Variants in AGBL1 observed in about 807,000 individuals in gnomAD.
AGBL1 encodes AGBL carboxypeptidase 1, also known as cytosolic carboxypeptidase 4.
Under a neutral mutation model 118.9 loss-of-function variants are expected in AGBL1, and 130 were observed. The ratio of observed to expected loss-of-function variants is 1.09; its 90% confidence interval spans 0.95 to 1.26. The LOEUF (loss-of-function observed/expected upper bound fraction) is 1.26. Ranked by LOEUF, AGBL1 falls within the 50% of genes most tolerant of loss-of-function variation. The probability of loss-of-function intolerance (pLI) is 0.00; values close to 1 mark genes in which losing one functional copy is unlikely to be tolerated. For synonymous variants in AGBL1, 555 were observed against 478.9 expected, an observed-to-expected ratio of 1.16 and a Z score of -2.08; for missense variants, 1,584 against 1,298.1, an observed-to-expected ratio of 1.22 and a Z score of -3.38.
At chr15:86,246,432 G>A (rs1408689273) in intron 6 of AGBL1, among the ~76,000 whole-genome samples, 1 of 152,188 alleles carries the variant, frequency 6.6e-6, no homozygotes, top group Non-Finnish European at 1.5e-5. Context: ...CTTTTTTAAG[G>A]TTCATGGCGT....
chr15:86,437,699 C>T (rs16977157), intron 18 of AGBL1, among the ~76,000 whole-genome samples: 393 of 152,224 alleles, frequency 2.6e-3, no homozygotes, highest in African/African-American at 8.9e-3. Flanking sequence ...GGAGGTTAGG[C>T]TTTAAAAAGT....
chr15:86,977,798 C>T (rs960101536), intron 23 of AGBL1, among the ~76,000 whole-genome samples: 4 of 151,864 alleles, frequency 2.6e-5, no homozygotes, highest in Non-Finnish European at 1.5e-5. Context: ...CTTCTTATTG[C>T]TTACTTAAAA....
downstream of AGBL1, among the ~76,000 whole-genome samples, chr15:86,917,270 T>C (rs890441768): frequency 2.0e-5 from 3 of 151,998 alleles, no homozygotes; most frequent in Non-Finnish European, 2.9e-5. The surrounding 1 kb of genome is among the most constrained non-coding windows in gnomAD (Gnocchi z 4.8). Context: ...TCAGAGAGAG[T>C]TCTTTCACAG....
chr15:86,968,954 C>A (rs540576663), intron 23 of AGBL1, among the ~76,000 whole-genome samples: 3 of 151,964 alleles, frequency 2.0e-5, no homozygotes, highest in East Asian at 1.9e-4. Flanking sequence ...TCCCTTATAA[C>A]CTTGTCGCCA....
intron 22 of AGBL1, among the ~76,000 whole-genome samples, chr15:86,706,327 G>A (rs2086449274): frequency 6.6e-6 from 1 of 152,014 alleles, no homozygotes; most frequent in African/African-American, 2.4e-5. Context: ...ATAAGTTCAA[G>A]TGGTAAAAAA....
chr15:86,902,241 C>G (rs2080221253), intron 22 of AGBL1, among the ~76,000 whole-genome samples: 1 of 152,302 alleles, frequency 6.6e-6, no homozygotes, highest in African/African-American at 2.4e-5. Context: ...TATTAAAGAT[C>G]TGGCTCATCT....
At chr15:86,939,127 G>T (rs2080714269) in intron 23 of AGBL1, 1 of 152,618 alleles carries the variant, frequency 6.6e-6, no homozygotes, top group Admixed American at 6.5e-5. Flanking sequence ...AACTTGATTG[G>T]ATTGAAGGTG....
At chr15:86,253,063 G>A (rs998678902) in intron 7 of AGBL1, among the ~76,000 whole-genome samples, 1 of 152,076 alleles carries the variant, frequency 6.6e-6, no homozygotes, top group East Asian at 1.9e-4. Context: ...GAAAAAGAAA[G>A]TACATGCAAA....
Position 86,112,233 on chromosome 15 carries a change from A to G in AGBL1, c.52-29771A>G, listed in dbSNP as rs1018371059. On this transcript the variant is annotated intron_variant, in intron 1 of 22. Coordinates refer to ENST00000614907, the MANE Select transcript of AGBL1 (RefSeq NM_001386094.1). The stretch of plus-strand genomic sequence containing the variant: ...TGTCATGAAAAAATTGTCTTCCACA[A>G]AACTAGTCCCTGGTGTCAAAAAGGC... 8.5e-5 allele frequency among the ~76,000 whole-genome samples: 13 copies of G among 152,282 alleles called. No individual in the cohort carries two copies. The East Asian group carries it at 2.3e-3, about 27-fold the overall frequency.
At chr15:86,667,953 C>T (rs11073655) in intron 21 of AGBL1, among the ~76,000 whole-genome samples, 62,609 of 152,108 alleles carry the variant, frequency 0.41, 13,316 homozygotes, top group East Asian at 0.7. Flanking sequence ...AGCATCTGCT[C>T]AGCTTCTGGT....
At chr15:86,857,324 T>C (rs1449541984) in intron 22 of AGBL1, among the ~76,000 whole-genome samples, 2 of 152,082 alleles carry the variant, frequency 1.3e-5, no homozygotes, top group Admixed American at 1.3e-4. Flanking sequence ...TTCCCATCCT[T>C]CCAGTAAAGG....
intron 22 of AGBL1, among the ~76,000 whole-genome samples, chr15:86,853,573 A>G (rs906472524): frequency 6.6e-6 from 1 of 152,180 alleles, no homozygotes; most frequent in Non-Finnish European, 1.5e-5. Context: ...GAATAATGAC[A>G]CCAAAGCCCG....
chr15:86,450,255 G>C (rs1392963753), intron 18 of AGBL1, among the ~76,000 whole-genome samples: 1 of 152,164 alleles, frequency 6.6e-6, no homozygotes, highest in African/African-American at 2.4e-5. Flanking sequence ...CTATCCATTA[G>C]ATTCTCCCAG....
intron 23 of AGBL1, among the ~76,000 whole-genome samples, chr15:86,961,494 G>A (rs910336744): frequency 6.6e-6 from 1 of 151,962 alleles, no homozygotes; most frequent in African/African-American, 2.4e-5. Flanking sequence ...CAGCAAACGA[G>A]ACCTGGGGCT....
chr15:86,810,640 A>C (rs1245539017), intron 22 of AGBL1, among the ~76,000 whole-genome samples: 2 of 152,184 alleles, frequency 1.3e-5, no homozygotes, highest in East Asian at 3.9e-4. Flanking sequence ...ATTTCTCAGA[A>C]TTCTTGAGTT....
intron 17 of AGBL1, among the ~76,000 whole-genome samples, chr15:86,372,098 G>T (rs1209510388): frequency 6.6e-6 from 1 of 152,222 alleles, no homozygotes; most frequent in Non-Finnish European, 1.5e-5. Flanking sequence ...CCTGGGGCCA[G>T]GCAGAGATGG....
chr15:86,234,367 A>G (rs1286871786), intron 6 of AGBL1, among the ~76,000 whole-genome samples: 1 of 151,994 alleles, frequency 6.6e-6, no homozygotes, highest in Non-Finnish European at 1.5e-5. Context: ...CCTGACCAAT[A>G]TGGTGAAATC....
At chr15:86,689,114 A>G (rs1298445772) in intron 22 of AGBL1, among the ~76,000 whole-genome samples, 1 of 152,156 alleles carries the variant, frequency 6.6e-6, no homozygotes, top group African/African-American at 2.4e-5. Flanking sequence ...TCGACCAGAT[A>G]TTCTGTTTCT....
intron 22 of AGBL1, among the ~76,000 whole-genome samples, chr15:86,773,980 G>A (rs1461896538): frequency 6.6e-6 from 1 of 152,086 alleles, no homozygotes; most frequent in Non-Finnish European, 1.5e-5. Context: ...TATTCTCAGG[G>A]ATGTGGGTGT....
Sources: gnomAD v4.1 joint callset for allele counts (sites outside exome capture counted in the v4.1 genomes callset) on GRCh38, gnomAD v4.1.1 for gene constraint, Gnocchi (gnomAD v3.1) non-coding constraint, MANE v1.5 for transcripts, NCBI Gene and HGNC (gene_info 2026-07-23, HGNC 2026-07-21) for gene names.